Variants in LOXHD1 observed in about 807,000 individuals in gnomAD.
LOXHD1 encodes lipoxygenase homology domain-containing protein 1.
In LOXHD1, 205 loss-of-function variants were observed where a neutral mutation model predicts 248.2. The observed-to-expected ratio is 0.83, with a 90% CI of 0.74 to 0.93. The LOEUF is 0.93. Ranked by LOEUF, LOXHD1 falls within the 40% of genes least tolerant of loss-of-function variation. The pLI, the probability that LOXHD1 is intolerant of heterozygous loss-of-function variation, is 0.00. For synonymous variants in LOXHD1, 1,113 were observed against 1,162.8 expected, an observed-to-expected ratio of 0.96 and a Z score of 0.87; for missense variants, 2,930 against 2,971.6, an observed-to-expected ratio of 0.99 and a Z score of 0.33.
chr18:46,560,584 C>T (rs1333585058), intron 18 of LOXHD1, 39 bp from the exon 19 acceptor site: 46 of 1,485,678 alleles, frequency 3.1e-5, no homozygotes, highest in Non-Finnish European at 3.9e-5. Context: ...GTGGCCCCAG[C>T]GTCCTCCCCA....
intron 5 of LOXHD1, among the ~76,000 whole-genome samples, chr18:46,614,766 A>G (rs1383687960): frequency 6.6e-6 from 1 of 151,714 alleles, no homozygotes; most frequent in African/African-American, 2.4e-5. Flanking sequence ...GTCTTTATTC[A>G]TAAATAAGAC....
At chr18:46,517,006 GC>G (rs2144067177) in intron 34 of LOXHD1, among the ~76,000 whole-genome samples, 1 of 152,268 alleles carries the variant, frequency 6.6e-6, no homozygotes, top group African/African-American at 2.4e-5. Context: ...CCTACTATAA[GC>G]AAGGCAAGAG....
At chr18:46,494,984 G>A (rs990939946) in intron 37 of LOXHD1, among the ~76,000 whole-genome samples, 1 of 151,432 alleles carries the variant, frequency 6.6e-6, no homozygotes, top group Non-Finnish European at 1.5e-5. Context: ...CTCCCGAGTA[G>A]CTGGGACTAC....
intron 18 of LOXHD1, among the ~76,000 whole-genome samples, chr18:46,560,986 A>G (rs1029109017): frequency 1.3e-5 from 2 of 151,750 alleles, no homozygotes; most frequent in African/African-American, 2.4e-5. Flanking sequence ...GTGTTTCATC[A>G]CTTTTTTTAA....
chr18:46,539,088 T>A (rs531989744), intron 25 of LOXHD1, among the ~76,000 whole-genome samples: 1 of 152,300 alleles, frequency 6.6e-6, no homozygotes, highest in South Asian at 2.1e-4. Flanking sequence ...CAGCCACCGG[T>A]GTGAACAGAG....
intron 13 of LOXHD1, 107 bp downstream of exon 13, chr18:46,579,523 G>T: frequency 2.8e-6 from 4 of 1,427,368 alleles, no homozygotes; most frequent in Middle Eastern, 1.9e-4. Flanking sequence ...GATGGCTGAG[G>T]CCCCAGGACC....
At chr18:46,617,723 T>C (rs1174859725) in intron 5 of LOXHD1, among the ~76,000 whole-genome samples, 1 of 152,226 alleles carries the variant, frequency 6.6e-6, no homozygotes, top group Admixed American at 6.5e-5. Flanking sequence ...TACAGCTGTG[T>C]CTGAGCTCTC....
chr18:46,527,569 G>T (rs112441692), intron 29 of LOXHD1, among the ~76,000 whole-genome samples: 1 of 152,196 alleles, frequency 6.6e-6, no homozygotes, highest in South Asian at 2.1e-4. Context: ...TCAGAGCCAC[G>T]ATCTGAGCTC....
At chr18:46,636,486 C>T (rs1430441916) in intron 4 of LOXHD1, among the ~76,000 whole-genome samples, 2 of 152,224 alleles carry the variant, frequency 1.3e-5, no homozygotes, top group East Asian at 1.9e-4. Context: ...CAATCACCTC[C>T]GTCAAAGGGT....
At chr18:46,594,029 G>C (rs1296602972) in intron 9 of LOXHD1, among the ~76,000 whole-genome samples, 3 of 152,180 alleles carry the variant, frequency 2.0e-5, no homozygotes, top group African/African-American at 4.8e-5. Context: ...CCCACCCTAT[G>C]TCCAGTACTT....
At chr18:46,550,579 C>CCAAAAAAAAA (rs2037055448) in intron 21 of LOXHD1, among the ~76,000 whole-genome samples, 1 of 45,468 alleles carries the variant, frequency 2.2e-5, no homozygotes, top group Non-Finnish European at 4.2e-5. Flanking sequence ...GACTCCGTCT[C>CCAAAAAAAAA]AAAAAAAAAA....
intron 14 of LOXHD1, among the ~76,000 whole-genome samples, chr18:46,574,388 TACACAC>T (rs569144159): frequency 7.2e-5 from 9 of 125,240 alleles, no homozygotes; most frequent in Admixed American, 1.6e-4. Flanking sequence ...TGTGTACACA[TACACAC>T]ACACACACAC....
At chr18:46,523,374 G>A (rs1018520598) in intron 31 of LOXHD1, among the ~76,000 whole-genome samples, 4 of 152,122 alleles carry the variant, frequency 2.6e-5, no homozygotes, top group African/African-American at 9.7e-5. Flanking sequence ...GGAACCATAG[G>A]CAACATTTAG....
At chr18:46,505,069 A>C (rs1327237768) in intron 37 of LOXHD1, among the ~76,000 whole-genome samples, 2 of 152,236 alleles carry the variant, frequency 1.3e-5, no homozygotes, top group Non-Finnish European at 2.9e-5. Flanking sequence ...TTCCTTAGGC[A>C]CTGCAAAGTT....
intron 12 of LOXHD1, among the ~76,000 whole-genome samples, chr18:46,584,993 G>A (rs1475941766): frequency 6.6e-6 from 1 of 151,716 alleles, no homozygotes; most frequent in Non-Finnish European, 1.5e-5. Flanking sequence ...TGTAGAAAAA[G>A]CATTTGACAA....
At chr18:46,653,578 C>T (rs1299985200) in intron 1 of LOXHD1, among the ~76,000 whole-genome samples, 2 of 152,202 alleles carry the variant, frequency 1.3e-5, no homozygotes, top group African/African-American at 4.8e-5. Flanking sequence ...AATAAAGTTT[C>T]CAAGTCAGCA....
intron 37 of LOXHD1, among the ~76,000 whole-genome samples, chr18:46,503,503 C>A (rs1232886103): frequency 6.6e-6 from 1 of 152,146 alleles, no homozygotes; most frequent in Non-Finnish European, 1.5e-5. Flanking sequence ...GTGTCTGGGG[C>A]AGAAGATGGT....
At chr18:46,499,060 T>C (rs2034057170) in intron 37 of LOXHD1, among the ~76,000 whole-genome samples, 1 of 152,218 alleles carries the variant, frequency 6.6e-6, no homozygotes, top group Admixed American at 6.5e-5. Flanking sequence ...ATTCATATAA[T>C]TGTTAAATAC....
chr18:46,484,849 C>T (rs1031802081), intron 39 of LOXHD1, among the ~76,000 whole-genome samples, 170 bp downstream of exon 39: 2 of 152,130 alleles, frequency 1.3e-5, no homozygotes, highest in African/African-American at 4.8e-5. Context: ...TCACCATTGC[C>T]TGTTTAGCCC....
Sources: allele counts gnomAD v4.1 joint callset (sites outside exome capture counted in the v4.1 genomes callset), GRCh38; gene constraint gnomAD v4.1.1; transcripts MANE v1.5; gene names NCBI Gene and HGNC (gene_info 2026-07-23, HGNC 2026-07-21).